The following EEF1AKMT4 variants were observed in gnomAD, a reference collection of about 807,000 sequenced individuals.
EEF1AKMT4 encodes eukaryotic translation elongation factor 1 alpha lysine specific methyltransferase 4.
A neutral mutation model predicts 23.0 loss-of-function variants in EEF1AKMT4; 17 were observed. The ratio of observed to expected loss-of-function variants is 0.74; its 90% CI spans 0.51 to 1.11. The LOEUF is 1.11. EEF1AKMT4 is among the 50% of genes least tolerant of loss of function. The pLI is 0.00. For synonymous variants in EEF1AKMT4, 140 were observed against 141.4 expected (o/e 0.99, Z 0.07); for missense variants, 318 against 333.4 (o/e 0.95, Z 0.36).
At position 184,249,738 on chromosome 3, in the gene EEF1AKMT4, A is replaced by G. The variant is rs1189243462; in HGVS notation, c.44A>G (p.Glu15Gly). The stretch of plus-strand genomic sequence containing the variant: ...GGTAGGGCGCCTCCGGAGTTACCGG[A>G]GCGGAACTGCGGGTACCGCGAAGTC... ...GAGRAPPELPERNCGYREVEY... is the reference protein window; with the variant it reads ...GAGRAPPELPGRNCGYREVEY... Residue 15 changes from glutamate (E) to glycine (G), a missense_variant, in exon 1 of 3, where the codon GAG becomes GGG. Glu to Gly is a moderately conservative substitution (Grantham distance 98, BLOSUM62 -2). Coordinates refer to ENST00000324557, the MANE Select transcript of EEF1AKMT4 (RefSeq NM_032331.4). 2.5e-6 allele frequency: 4 copies of G among 1,612,640 alleles called. No individual in the cohort carries two copies. Among genetic ancestry groups the G allele is most frequent in the Admixed American group, 1.7e-5 (1 of 60,016 alleles).
At chr3:184,251,110 G>T (rs922745583) in intron 1 of EEF1AKMT4, among the ~76,000 whole-genome samples, 1 of 109,192 alleles carries the variant, frequency 9.2e-6, no homozygotes, top group African/African-American at 3.7e-5. Flanking sequence ...AAAAAGAAAA[G>T]AACTTGGACT....
At chr3:184,252,441 G>T (rs1719600741) in intron 1 of EEF1AKMT4, among the ~76,000 whole-genome samples, 4 of 152,164 alleles carry the variant, frequency 2.6e-5, no homozygotes, top group Non-Finnish European at 1.5e-5. Flanking sequence ...CAGAGAATGT[G>T]CTGGGCCCTT....
In EEF1AKMT4 at chr3:184,258,296, C is replaced by T. The variant is rs772185956; in HGVS notation, c.489C>T (p.Arg163=). 2.4e-5 allele frequency: 38 copies of T among 1,610,494 alleles called. No homozygotes were observed. Among genetic ancestry groups the T allele is most frequent in the South Asian group, 1.9e-4 (17 of 90,800 alleles). ...TVDQVLSEVS[R]VLVPGGRFIS... The stretch of plus-strand genomic sequence containing the variant: ...CTCTGTCTGCCTTGCAGGTGAGCCG[C>T]GTGCTTGTCCCTGGAGGCCGGTTTA... Residue 163 remains arginine (R), a synonymous_variant, in exon 3 of 3, where the codon CGC becomes CGT. Transcript: ENST00000324557.
intron 1 of EEF1AKMT4, among the ~76,000 whole-genome samples, chr3:184,256,797 A>C (rs201643433): frequency 6.6e-6 from 1 of 151,656 alleles, no homozygotes; most frequent in Non-Finnish European, 1.5e-5. Flanking sequence ...CAGCCTCCCA[A>C]GTAGCTGGGA....
intron 2 of EEF1AKMT4, 21 bp downstream of exon 2, chr3:184,257,777 G>A (rs1461587375): frequency 1.3e-6 from 2 of 1,597,052 alleles, no homozygotes; most frequent in Non-Finnish European, 1.7e-6. Flanking sequence ...AACAAGAGAG[G>A]AAAGCAGATC....
chr3:184,258,726 G>A lies in EEF1AKMT4; in HGVS notation c.*151G>A. On this transcript the variant is annotated 3_prime_UTR_variant, in exon 3 of 3. Coordinates refer to ENST00000324557, the MANE Select transcript of EEF1AKMT4 (RefSeq NM_032331.4). ...ATAGAGGGTGGGAGCGAACCCACAT[G>A]AACCAATACAGCCCAGCTCCAACTA... is the stretch of plus-strand genomic sequence containing the variant. 1 of 1,399,496 alleles carries A rather than the reference G, an allele frequency of 7.1e-7. No individual in the cohort carries two copies. The highest frequency in any genetic ancestry group is 1.7e-5 in the South Asian group (1 of 58,144). 86.7% of individuals were successfully genotyped at this position (1,399,496 alleles called of 1,614,324 possible). A position where few individuals can be genotyped will look rare whatever the true frequency, so the allele number is the denominator to read the frequency against.
rs146175659 is a variant in EEF1AKMT4 at position 184,258,287 on chromosome 3, G to C, written c.481-1G>C. On this transcript the variant is annotated splice_acceptor_variant, in intron 2 of 2. Coordinates refer to ENST00000324557, the MANE Select transcript of EEF1AKMT4 (RefSeq NM_032331.4). LOFTEE classifies it high-confidence loss of function. Reference sequence around the variant, plus strand: ...CAATGGCTTCTCTGTCTGCCTTGCAGGTGAGCCGCGTGCTTGTCCCTGGAG... The same window carrying C: ...CAATGGCTTCTCTGTCTGCCTTGCACGTGAGCCGCGTGCTTGTCCCTGGAG... 2 of 1,607,678 alleles carry C rather than the reference G, an allele frequency of 1.2e-6. No individual in the cohort carries two copies. The highest frequency in any genetic ancestry group is 2.2e-5 in the East Asian group (1 of 44,814).
intron 1 of EEF1AKMT4, among the ~76,000 whole-genome samples, chr3:184,257,141 C>T (rs890488636): frequency 2.8e-5 from 4 of 142,394 alleles, no homozygotes; most frequent in South Asian, 4.5e-4. Context: ...AGCCGGGAGG[C>T]GGAGGTTGCA....
chr3:184,253,370 C>T (rs1164817309), intron 1 of EEF1AKMT4, among the ~76,000 whole-genome samples: 1 of 152,164 alleles, frequency 6.6e-6, no homozygotes, highest in African/African-American at 2.4e-5. Context: ...TTTGTGACAC[C>T]ACACAGATGG....
At chr3:184,257,877 C>G (rs1200994319) in intron 2 of EEF1AKMT4, 121 bp downstream of exon 2, 1 of 1,276,016 alleles carries the variant, frequency 7.8e-7, no homozygotes, top group African/African-American at 1.5e-5. Context: ...GGGTCGCCCT[C>G]AGGAGTGTGG....
rs140653207 is a variant in EEF1AKMT4 at position 184,258,376 on chromosome 3, A to G, written c.569A>G (p.Tyr190Cys). ...CGGACCAGACACTATGCCCAAGCCT[A>G]TTATGGCTGGTCCCTGAGGCATGCT... ...HFRTRHYAQA[Y>C]YGWSLRHATY... The change falls in exon 3 of 3, where the codon TAT becomes TGT. Residue 190 changes from tyrosine (Y) to cysteine (C), a missense_variant. Tyr to Cys is a radical substitution (Grantham distance 194). Coordinates refer to ENST00000324557, the MANE Select transcript of EEF1AKMT4 (RefSeq NM_032331.4). 73 of 1,613,774 alleles carry G rather than the reference A, an allele frequency of 4.5e-5. No homozygotes were observed. The African/African-American group carries it at 7.9e-4, about 17-fold the overall frequency.
At position 184,257,914 on chromosome 3, in the gene EEF1AKMT4, C is replaced by T. The variant is rs545391167; in HGVS notation, c.480+158C>T. Among the ~76,000 whole-genome samples, 6 of 152,166 alleles carry T rather than the reference C, an allele frequency of 3.9e-5. No individual in the cohort carries two copies. The South Asian group carries it at 6.2e-4, about 16-fold the overall frequency. On this transcript the variant is annotated intron_variant, in intron 2 of 2. Transcript: ENST00000324557. ...TCTCTGAAGGGAGGGAAGGGTTAAGCGGGGTCGAGATTTATAGAGGCGGCT... is the reference window on the plus strand; with the variant it reads ...TCTCTGAAGGGAGGGAAGGGTTAAGTGGGGTCGAGATTTATAGAGGCGGCT...
At chr3:184,252,960 A>G (rs2108448797) in intron 1 of EEF1AKMT4, among the ~76,000 whole-genome samples, 1 of 151,872 alleles carries the variant, frequency 6.6e-6, no homozygotes, top group South Asian at 2.1e-4. Context: ...AAAAAAAAAA[A>G]AAAAAAAAAA....
chr3:184,257,804 G>A, intron 2 of EEF1AKMT4, 48 bp downstream of exon 2: 1 of 1,564,854 alleles, frequency 6.4e-7, no homozygotes, highest in Non-Finnish European at 8.7e-7. Context: ...TGGGGCTGCG[G>A]GGTTGAGGTT....
rs561212456 is a variant in EEF1AKMT4, at chr3:184,251,253, G to A, written c.196+1363G>A. ...GATCCCATCTCTACAAAAAATTTAG[G>A]CCAGAGCAGTGGCTTATGCTTGTAA... On this transcript the variant is annotated intron_variant, in intron 1 of 2. Transcript: ENST00000324557. 1.1e-4 allele frequency among the ~76,000 whole-genome samples: 17 copies of A among 152,072 alleles called. 1 individual carries two copies. In the South Asian group the frequency reaches 1.7e-3, roughly 15 times the overall value.
chr3:184,249,993 G>A (rs1272501909), intron 1 of EEF1AKMT4, 103 bp downstream of exon 1: 2 of 1,324,312 alleles, frequency 1.5e-6, no homozygotes, highest in Non-Finnish European at 2.1e-6. Context: ...CCCTCTTGGA[G>A]GACGCCTGCG....
At position 184,258,399 on chromosome 3, in the gene EEF1AKMT4, G is replaced by A. The variant is rs1436792806; in HGVS notation, c.592G>A (p.Ala198Thr). The A allele has an allele frequency of 6.2e-7, 1 of 1,613,936 alleles. No homozygotes were observed. The highest frequency in any genetic ancestry group is 8.5e-7 in the Non-Finnish European group (1 of 1,179,906). The stretch of plus-strand genomic sequence containing the variant: ...CTATTATGGCTGGTCCCTGAGGCAT[G>A]CTACCTATGGCAGCGGTTTCCACTT... ...QAYYGWSLRH[A>T]TYGSGFHFHL... Residue 198 changes from alanine (A) to threonine (T), a missense_variant, in exon 3 of 3, where the codon GCT becomes ACT. By Grantham distance (58) the Ala-to-Thr change is moderately conservative (BLOSUM62 0). Transcript: ENST00000324557.
intron 1 of EEF1AKMT4, among the ~76,000 whole-genome samples, chr3:184,254,606 G>T (rs554881989): frequency 6.6e-6 from 1 of 151,196 alleles, no homozygotes; most frequent in African/African-American, 2.4e-5. Context: ...CCAGCTACTC[G>T]GGAGGCTGAG....
rs146869943 is a variant in EEF1AKMT4 at position 184,249,797 on chromosome 3, G to T, written c.103G>T (p.Asp35Tyr). ...GGATCAGCGCTACCAAGGCGCAGCC[G>T]ATTCTGCCCCCTACGATTGGTTCGG... ...YWDQRYQGAA[D>Y]SAPYDWFGDF... is the part of the protein sequence containing the mutation. The change falls in exon 1 of 3, where the codon GAT becomes TAT. Residue 35 changes from aspartate to tyrosine, a missense_variant. Physicochemically the swap from Asp to Tyr is radical, Grantham distance 160 (BLOSUM62 -3). Coordinates refer to ENST00000324557, the MANE Select transcript of EEF1AKMT4 (RefSeq NM_032331.4). 7.4e-5 allele frequency: 119 copies of T among 1,613,386 alleles called. No homozygotes were observed. The East Asian group carries it at 2.6e-3, about 36-fold the overall frequency.
Sources: allele counts gnomAD v4.1 joint callset (sites outside exome capture counted in the v4.1 genomes callset), GRCh38; gene constraint gnomAD v4.1.1; transcripts MANE v1.5; gene names NCBI Gene and HGNC (gene_info 2026-07-23, HGNC 2026-07-21).